The following SDCCAG8 variants were observed in gnomAD, a reference collection of about 807,000 sequenced individuals.
The protein encoded by SDCCAG8 is SHH signaling and ciliogenesis regulator SDCCAG8.
A neutral mutation model predicts 101.8 loss-of-function variants in SDCCAG8; 74 were observed. The ratio of observed to expected loss-of-function variants is 0.73; its 90% CI spans 0.60 to 0.88. The LOEUF (loss-of-function observed/expected upper bound fraction) is 0.88, where lower values mean the gene tolerates loss of function less well. SDCCAG8 is among the 40% of genes least tolerant of loss of function. The pLI, the probability that SDCCAG8 is intolerant of heterozygous loss-of-function variation, is 0.00. For missense variants in SDCCAG8, 787 were observed against 822.6 expected (o/e 0.96, Z 0.53); for synonymous variants, 281 against 292.9 (o/e 0.96, Z 0.41).
intron 10 of SDCCAG8, among the ~76,000 whole-genome samples, chr1:243,339,492 T>C (rs2075258038): frequency 1.3e-5 from 2 of 152,214 alleles, no homozygotes; most frequent in South Asian, 4.1e-4. Context: ...TTTTATATTG[T>C]AATGTGCCCA....
intron 17 of SDCCAG8, among the ~76,000 whole-genome samples, chr1:243,493,316 C>T (rs571561831): frequency 7.0e-4 from 107 of 152,148 alleles, no homozygotes; most frequent in African/African-American, 2.5e-3. Context: ...CAGGGGTCTG[C>T]GGCCCAGAGC....
intron 1 of SDCCAG8, among the ~76,000 whole-genome samples, chr1:243,262,924 A>G (rs2067300979): frequency 6.6e-6 from 1 of 152,228 alleles, no homozygotes; most frequent in African/African-American, 2.4e-5. Context: ...TATTGCTTTT[A>G]GGCCCTGAAA....
intron 15 of SDCCAG8, among the ~76,000 whole-genome samples, chr1:243,425,971 G>A (rs752786195): frequency 2.6e-5 from 4 of 152,172 alleles, no homozygotes; most frequent in Admixed American, 2.6e-4. Flanking sequence ...GCCCAAAGAA[G>A]TTGACACATA....
At chr1:243,476,460 T>C in intron 16 of SDCCAG8, 2 of 706,748 alleles carry the variant, frequency 2.8e-6, no homozygotes, top group Non-Finnish European at 3.5e-6. Flanking sequence ...CCAAGAATGG[T>C]CAAATATGAA....
At chr1:243,388,411 G>C (rs960292011) in intron 13 of SDCCAG8, among the ~76,000 whole-genome samples, 114 of 152,112 alleles carry the variant, frequency 7.5e-4, no homozygotes, top group African/African-American at 2.7e-3. Context: ...CGCACTTTTG[G>C]GTGCTGTGGC....
intron 15 of SDCCAG8, among the ~76,000 whole-genome samples, chr1:243,419,012 G>A (rs2039838): frequency 0.13 from 20,068 of 152,006 alleles, 1,592 homozygotes; most frequent in African/African-American, 0.21. Context: ...TTTCATTCGG[G>A]AAGGATTTCT....
chr1:243,323,649 G>A (rs1426934704), intron 9 of SDCCAG8, among the ~76,000 whole-genome samples: 2 of 152,096 alleles, frequency 1.3e-5, no homozygotes, highest in East Asian at 3.9e-4. Context: ...CACAACAGTT[G>A]TCCACCCTGG....
intron 13 of SDCCAG8, among the ~76,000 whole-genome samples, chr1:243,394,260 C>A (rs536293466): frequency 6.6e-6 from 1 of 152,172 alleles, no homozygotes; most frequent in South Asian, 2.1e-4. Context: ...GCTATTTATG[C>A]AGCAGTTTCT....
intron 12 of SDCCAG8, among the ~76,000 whole-genome samples, chr1:243,361,949 C>G (rs564882694): frequency 2.6e-5 from 4 of 152,110 alleles, no homozygotes; most frequent in African/African-American, 4.8e-5. Flanking sequence ...ATTCAGTGCC[C>G]CAGTGCCCTG....
chr1:243,380,145 GA>G (rs138409299), intron 13 of SDCCAG8, among the ~76,000 whole-genome samples: 1 of 151,980 alleles, frequency 6.6e-6, no homozygotes, highest in Admixed American at 6.6e-5. Context: ...CTGGTATCTA[GA>G]AAAAAATCCT....
rs533112287 is a variant in SDCCAG8 at position 243,426,346 on chromosome 1, T to A, written c.1854-81T>A. On this transcript the variant is annotated intron_variant, in intron 15 of 17. Coordinates refer to ENST00000366541, the MANE Select transcript of SDCCAG8 (RefSeq NM_006642.5). Reference sequence around the variant, plus strand: ...TCATGTTTAAGTGTGGAGTTTAAGATAATGTTAAGGTTATATAATAACAAT... The same window carrying A: ...TCATGTTTAAGTGTGGAGTTTAAGAAAATGTTAAGGTTATATAATAACAAT... 1.6e-4 allele frequency: 193 copies of A among 1,211,972 alleles called. No individual in the cohort carries two copies. The African/African-American group carries it at 2.5e-3, about 16-fold the overall frequency. 75.1% of individuals were successfully genotyped at this position (1,211,972 alleles called of 1,614,324 possible).
chr1:243,330,665 G>A lies in SDCCAG8; in HGVS notation c.1194G>A (p.Thr398=), dbSNP rs542036953. The A allele has an allele frequency of 7.4e-6, 12 of 1,614,096 alleles. No individual in the cohort carries two copies. Among genetic ancestry groups the A allele is most frequent in the East Asian group, 4.5e-5 (2 of 44,874 alleles). Residue 398 remains threonine, a synonymous_variant, in exon 10 of 18, where the codon ACG becomes ACA. Coordinates refer to ENST00000366541, the MANE Select transcript of SDCCAG8 (RefSeq NM_006642.5). ...IEKDMMKKEI[T]KEREYMGSKM... is the part of the protein sequence containing the mutation. ...AAGACATGATGAAAAAGGAAATAAC[G>A]AAAGAAAGGGAGTACATGGGATCAA...
intron 7 of SDCCAG8, 111 bp downstream of exon 7, chr1:243,304,888 C>T (rs773937142): frequency 1.1e-5 from 8 of 709,464 alleles, no homozygotes; most frequent in African/African-American, 1.8e-5. Context: ...TACTTGATGA[C>T]ATTTTAATAC....
At chr1:243,446,799 G>T (rs540089205) in intron 16 of SDCCAG8, among the ~76,000 whole-genome samples, 116 of 152,268 alleles carry the variant, frequency 7.6e-4, no homozygotes, top group African/African-American at 2.7e-3. Context: ...CAGGTGACCT[G>T]CTGCCCAGTT....
At chr1:243,477,649 A>G (rs1361678690) in intron 16 of SDCCAG8, among the ~76,000 whole-genome samples, 1 of 152,228 alleles carries the variant, frequency 6.6e-6, no homozygotes, top group Non-Finnish European at 1.5e-5. Flanking sequence ...TTGGTCTTTG[A>G]AGAGCCTCGG....
chr1:243,471,561 C>T (rs1161077079), intron 16 of SDCCAG8, among the ~76,000 whole-genome samples: 4 of 152,132 alleles, frequency 2.6e-5, no homozygotes, highest in Non-Finnish European at 5.9e-5. Context: ...GCCAGCTTTT[C>T]GTGCCTCTTG....
At chr1:243,491,501 C>A (rs771505282) in intron 17 of SDCCAG8, among the ~76,000 whole-genome samples, 2 of 152,188 alleles carry the variant, frequency 1.3e-5, no homozygotes, top group Admixed American at 6.5e-5. Flanking sequence ...GTTGCAAATA[C>A]TAGTGGTCAG....
At chr1:243,309,785 A>G (rs1467110694) in intron 8 of SDCCAG8, among the ~76,000 whole-genome samples, 2 of 152,202 alleles carry the variant, frequency 1.3e-5, no homozygotes, top group Non-Finnish European at 2.9e-5. Flanking sequence ...ATAAGCCACC[A>G]CACCTGACCT....
At chr1:243,470,863 T>A (rs1022814225) in intron 16 of SDCCAG8, among the ~76,000 whole-genome samples, 3 of 152,204 alleles carry the variant, frequency 2.0e-5, no homozygotes, top group Non-Finnish European at 4.4e-5. Context: ...GTCCACCCTT[T>A]GTTTTTCTCA....
Sources: allele counts gnomAD v4.1 joint callset (sites outside exome capture counted in the v4.1 genomes callset), GRCh38; gene constraint gnomAD v4.1.1; transcripts MANE v1.5; gene names NCBI Gene and HGNC (gene_info 2026-07-23, HGNC 2026-07-21).